APPL2: variants seen among roughly 807,000 people sequenced by gnomAD.
APPL2 encodes DCC-interacting protein 13-beta.
Under a neutral mutation model 92.7 loss-of-function variants are expected in APPL2, and 84 were observed. The ratio of observed to expected loss-of-function variants is 0.91; its 90% CI spans 0.76 to 1.09. APPL2 has a LOEUF of 1.09. Among genes scored for constraint, APPL2 ranks in the 50% least tolerant of loss-of-function variants. APPL2 has a pLI of 0.00. For missense variants in APPL2, 736 were observed against 824.5 expected (o/e 0.89, Z 1.31); for synonymous variants, 291 against 291.0 (o/e 1.00, Z 0.00).
intron 17 of APPL2, among the ~76,000 whole-genome samples, chr12:105,179,321 C>CT (rs1189680047): frequency 5.9e-5 from 9 of 152,122 alleles, no homozygotes; most frequent in African/African-American, 1.9e-4. Context: ...TGAAGTCATT[C>CT]TTTTTTATGG....
At chr12:105,201,306 A>G (rs567675403) in intron 9 of APPL2, among the ~76,000 whole-genome samples, 11 of 152,290 alleles carry the variant, frequency 7.2e-5, no homozygotes, top group Non-Finnish European at 7.4e-5. Flanking sequence ...CAGGTAAGCT[A>G]GAGGACAAAC....
intron 17 of APPL2, among the ~76,000 whole-genome samples, chr12:105,182,976 T>TTGTTGCATTGATCCCTTTACCACTA (rs1886249842): frequency 6.6e-6 from 1 of 152,202 alleles, no homozygotes. Context: ...TTAGCTTTTC[T>TTGTTGCATTGATCCCTTTACCACTA]TGTTGCATTG....
intron 17 of APPL2, among the ~76,000 whole-genome samples, chr12:105,185,784 G>C (rs1311234009): frequency 6.6e-6 from 1 of 152,026 alleles, no homozygotes; most frequent in Non-Finnish European, 1.5e-5. Flanking sequence ...CACTGCAGGG[G>C]TATGTTTACT....
At position 105,187,125 on chromosome 12, in the gene APPL2, G is replaced by A. The variant is rs571283587; in HGVS notation, c.1634+1148C>T. ...GTGGAAATTATTCCAGGACCAATAG[G>A]ATTATAAGAACCATGAGCCCATTTC... On this transcript the variant is annotated intron_variant, in intron 17 of 20. Transcript: ENST00000258530. 8.5e-5 allele frequency among the ~76,000 whole-genome samples: 13 copies of A among 152,204 alleles called. No homozygotes were observed. In the South Asian group the frequency reaches 2.7e-3, roughly 32 times the overall value.
In APPL2 at chr12:105,197,810, TC is replaced by T; in HGVS notation, c.1006del (p.Glu336LysfsTer18). The T allele has an allele frequency of 6.2e-7, 1 of 1,614,188 alleles. No individual in the cohort carries two copies. Among genetic ancestry groups the T allele is most frequent in the Non-Finnish European group, 8.5e-7 (1 of 1,180,048 alleles). On this transcript the variant is annotated frameshift_variant, in exon 11 of 21. Transcript: ENST00000258530. LOFTEE classifies it high-confidence loss of function. ...GATCTGGAAGCAGTAGCGCCGGTCT[TC>T]GCAATCCACGGCCATCACTGAGCAG... ...DNCSVMAVDC[E>X]DRRYCFQITT...
intron 4 of APPL2, among the ~76,000 whole-genome samples, chr12:105,211,916 C>T (rs1236632914): frequency 1.3e-5 from 2 of 151,946 alleles, no homozygotes; most frequent in Non-Finnish European, 2.9e-5. Flanking sequence ...GTCAGGAGAT[C>T]GAGACCATCC....
chr12:105,176,270 G>A lies in APPL2; in HGVS notation c.1813-188C>T, dbSNP rs572720498. 12 of 558,794 alleles carry A rather than the reference G, an allele frequency of 2.1e-5. No individual in the cohort carries two copies. In the South Asian group the frequency reaches 2.4e-4, roughly 11 times the overall value. 34.6% of individuals were successfully genotyped at this position (558,794 alleles called of 1,614,324 possible). A position where few individuals can be genotyped will look rare whatever the true frequency, so the allele number is the denominator to read the frequency against. On this transcript the variant is annotated intron_variant, in intron 19 of 20. Transcript: ENST00000258530. ...GCGTCCAACTGTCCTGACCTCTGTTGCCAATTTATGCCACACAAAAAATAT... is the reference window on the plus strand; with the variant it reads ...GCGTCCAACTGTCCTGACCTCTGTTACCAATTTATGCCACACAAAAAATAT...
At chr12:105,186,711 CATATCATATAT>C (rs1441648602) in intron 17 of APPL2, among the ~76,000 whole-genome samples, 59 of 38,562 alleles carry the variant, frequency 1.5e-3, no homozygotes, top group Non-Finnish European at 3.7e-3. Context: ...TATCATATAT[CATATCATATAT>C]ATATCATATA....
In APPL2 at chr12:105,174,162, C is replaced by T. The variant is rs1402708765; in HGVS notation, c.*152G>A. On this transcript the variant is annotated 3_prime_UTR_variant, in exon 21 of 21. Transcript: ENST00000258530. ...TGTCAACCATTTCTTAGTTTCCCTC[C>T]CAAGTCTCAGTATCAAGGCATCAAG... is the stretch of plus-strand genomic sequence containing the variant. The T allele has an allele frequency of 4.4e-6, 4 of 902,154 alleles. No individual in the cohort carries two copies. Among genetic ancestry groups the T allele is most frequent in the Non-Finnish European group, 6.4e-6 (4 of 626,948 alleles). The allele number at this position is 902,154 out of a possible 1,614,324, so 55.9% of individuals were successfully genotyped here. A position where few individuals can be genotyped will look rare whatever the true frequency, so the allele number is the denominator to read the frequency against.
intron 2 of APPL2, among the ~76,000 whole-genome samples, chr12:105,222,083 C>T (rs1303117430): frequency 2.0e-5 from 3 of 152,116 alleles, no homozygotes; most frequent in Non-Finnish European, 2.9e-5. Context: ...GGTCACGGGT[C>T]GCACTAGTTC....
At chr12:105,220,041 A>C (rs1010234120) in intron 2 of APPL2, among the ~76,000 whole-genome samples, 23 of 152,340 alleles carry the variant, frequency 1.5e-4, no homozygotes, top group Admixed American at 1.4e-3. Flanking sequence ...CTAATTAATA[A>C]CTCTATTTTA....
chr12:105,208,704 C>A (rs1340031524), intron 5 of APPL2, among the ~76,000 whole-genome samples: 1 of 152,152 alleles, frequency 6.6e-6, no homozygotes, highest in Non-Finnish European at 1.5e-5. Context: ...ATCTAGCATA[C>A]TGTAGTTGCG....
chr12:105,235,489 T>C (rs1252810687), intron 1 of APPL2: 2 of 152,656 alleles, frequency 1.3e-5, no homozygotes, highest in East Asian at 3.8e-4. Flanking sequence ...GGAGTAGCAG[T>C]AATAAGACTG....
At chr12:105,212,118 C>CAAA (rs5800657) in intron 4 of APPL2, among the ~76,000 whole-genome samples, 26,553 of 71,720 alleles carry the variant, frequency 0.37, 5,722 homozygotes, top group Middle Eastern at 0.46. Context: ...GACTCCATCT[C>CAAA]AAAAAAAAAA....
chr12:105,195,373 C>T (rs1220972125), intron 13 of APPL2, 24 bp from the exon 14 acceptor site: 2 of 1,614,198 alleles, frequency 1.2e-6, no homozygotes, highest in East Asian at 2.2e-5. Flanking sequence ...GGAAGACACA[C>T]TCAGTCCCAG....
At chr12:105,186,622 T>TATGATATATATATCG (rs375988140) in intron 17 of APPL2, among the ~76,000 whole-genome samples, 8 of 125,674 alleles carry the variant, frequency 6.4e-5, no homozygotes, top group African/African-American at 2.6e-4. Flanking sequence ...ATATCATATA[T>TATGATATATATATCG]ATATCATATA....
chr12:105,174,876 T>TGGGGGGGGGGGGGGGGG (rs59473626), intron 20 of APPL2, among the ~76,000 whole-genome samples: 7 of 89,002 alleles, frequency 7.9e-5, no homozygotes, highest in Admixed American at 3.6e-4. Context: ...TTTTTTTTGG[T>TGGGGGGGGGGGGGGGGG]GGGGGGGGGG....
rs1441611488 is a variant in APPL2, at chr12:105,173,908, ATAGAT to A, written c.*401_*405del. 5 of 153,038 alleles carry A rather than the reference ATAGAT, an allele frequency of 3.3e-5. No homozygotes were observed. In the East Asian group the frequency reaches 5.8e-4, roughly 18 times the overall value. The allele number at this position is 153,038 out of a possible 1,614,324, so 9.5% of individuals were successfully genotyped here. A position where few individuals can be genotyped will look rare whatever the true frequency, so the allele number is the denominator to read the frequency against. On this transcript the variant is annotated 3_prime_UTR_variant, in exon 21 of 21. Transcript: ENST00000258530. ...AAAGCTCATTAAGTAAAATACAAAAATAGATTATATTAATAAGAAATATTTAGTGT... is the reference window on the plus strand; with the variant it reads ...AAAGCTCATTAAGTAAAATACAAAAATATATTAATAAGAAATATTTAGTGT...
At chr12:105,174,523 A>T in intron 20 of APPL2, 75 bp from the exon 21 acceptor site, 1 of 1,494,024 alleles carries the variant, frequency 6.7e-7, no homozygotes, top group Non-Finnish European at 9.0e-7. Flanking sequence ...CCTGGCTTTC[A>T]ATATGTTCTG....
Sources: gnomAD v4.1 joint callset for allele counts (sites outside exome capture counted in the v4.1 genomes callset) on GRCh38, gnomAD v4.1.1 for gene constraint, MANE v1.5 for transcripts, NCBI Gene and HGNC (gene_info 2026-07-23, HGNC 2026-07-21) for gene names.